MCCC2: variants seen among roughly 807,000 people sequenced by gnomAD.
MCCC2 encodes methylcrotonoyl-CoA carboxylase beta chain, mitochondrial.
In MCCC2, 52 loss-of-function variants were observed where a neutral mutation model predicts 77.2. The observed-to-expected ratio is 0.67, with a 90% CI of 0.54 to 0.85. The LOEUF is 0.85. MCCC2 is among the 40% of genes least tolerant of loss of function. The pLI is 0.00. For synonymous variants in MCCC2, 253 were observed against 248.4 expected (o/e 1.02, Z -0.18); for missense variants, 682 against 703.2 (o/e 0.97, Z 0.34).
rs77367858 is a variant in MCCC2 at position 71,645,210 on chromosome 5, G to A, written c.1150-1001G>A. Among the ~76,000 whole-genome samples, 81 of 152,230 alleles carry A rather than the reference G, an allele frequency of 5.3e-4. 1 individual carries two copies. Among genetic ancestry groups the A allele is most frequent in the East Asian group, 1.7e-3 (9 of 5,176 alleles). On this transcript the variant is annotated intron_variant, in intron 12 of 16. Coordinates refer to ENST00000340941, the MANE Select transcript of MCCC2 (RefSeq NM_022132.5). ...GAGTTATGTTTGGCCTCAGCCTGACGTTTCATTTGTTGAAATAAGCCCCAA... is the reference window on the plus strand; with the variant it reads ...GAGTTATGTTTGGCCTCAGCCTGACATTTCATTTGTTGAAATAAGCCCCAA...
chr5:71,623,241 A>G (rs1269134640), intron 6 of MCCC2, among the ~76,000 whole-genome samples: 1 of 152,196 alleles, frequency 6.6e-6, no homozygotes, highest in Non-Finnish European at 1.5e-5. Flanking sequence ...TGTGCAGTGT[A>G]AAACAAGACA....
intron 10 of MCCC2, among the ~76,000 whole-genome samples, chr5:71,640,384 T>A (rs1580324940): frequency 4.9e-4 from 2 of 4,102 alleles, no homozygotes; most frequent in African/African-American, 1.1e-3. Context: ...CTTTTTACAT[T>A]TTTTTTTTTT....
chr5:71,592,797 T>A, intron 1 of MCCC2, 129 bp from the exon 2 acceptor site: 1 of 733,850 alleles, frequency 1.4e-6, no homozygotes. Context: ...ACAGATGGGG[T>A]GGCCCAGTGT....
chr5:71,652,829 G>A, intron 16 of MCCC2, 75 bp downstream of exon 16: 1 of 1,180,140 alleles, frequency 8.5e-7, no homozygotes, highest in Non-Finnish European at 1.3e-6. Context: ...AGAGCTCTGT[G>A]TAGTTGAGAT....
At chr5:71,620,865 G>C (rs1746328277) in intron 6 of MCCC2, among the ~76,000 whole-genome samples, 1 of 152,168 alleles carries the variant, frequency 6.6e-6, no homozygotes, top group Admixed American at 6.5e-5. Context: ...CACCTTGCAA[G>C]AGTGATCTCT....
In MCCC2 at chr5:71,658,350, A is replaced by C. The variant is rs1474946586; in HGVS notation, c.*1490A>C. 1.3e-5 allele frequency: 2 copies of C among 152,098 alleles called. No individual in the cohort carries two copies. The highest frequency in any genetic ancestry group is 2.9e-5 in the Non-Finnish European group (2 of 68,030). 9.4% of individuals were successfully genotyped at this position (152,098 alleles called of 1,614,324 possible). On this transcript the variant is annotated 3_prime_UTR_variant, in exon 17 of 17. Transcript: ENST00000340941. ...TTCAGTTTAAGCACTTGCTTCTCTC[A>C]GTTTAAACTCCACTTCCTTAGGGAT...
At chr5:71,613,165 C>CA (rs1227701461) in intron 6 of MCCC2, among the ~76,000 whole-genome samples, 4 of 152,220 alleles carry the variant, frequency 2.6e-5, no homozygotes, top group Non-Finnish European at 1.5e-5. Flanking sequence ...ATTATATCTG[C>CA]AAAGATTCCT....
At chr5:71,653,395 A>T (rs1747493266) in intron 16 of MCCC2, among the ~76,000 whole-genome samples, 1 of 149,514 alleles carries the variant, frequency 6.7e-6, no homozygotes, top group Non-Finnish European at 1.5e-5. Context: ...TTTCTTCAAC[A>T]ACTTTAGTGT....
At chr5:71,633,137 A>ATATATATT (rs1746800422) in intron 8 of MCCC2, among the ~76,000 whole-genome samples, 1 of 68,090 alleles carries the variant, frequency 1.5e-5, no homozygotes, top group African/African-American at 5.0e-5. Flanking sequence ...ATATATTTTT[A>ATATATATT]TTTTTTGTAG....
chr5:71,596,498 A>G, intron 3 of MCCC2, 134 bp downstream of exon 3: 1 of 822,396 alleles, frequency 1.2e-6, no homozygotes, highest in Non-Finnish European at 2.1e-6. Flanking sequence ...TTGAGAGCCT[A>G]CTATGTGTCA....
At chr5:71,605,957 A>G (rs1057281633) in intron 6 of MCCC2, among the ~76,000 whole-genome samples, 13 of 152,314 alleles carry the variant, frequency 8.5e-5, no homozygotes, top group African/African-American at 1.9e-4. Flanking sequence ...TACCAATACC[A>G]TGCTGTTTTG....
At chr5:71,638,016 G>T (rs1437729542) in intron 10 of MCCC2, among the ~76,000 whole-genome samples, 2 of 152,056 alleles carry the variant, frequency 1.3e-5, no homozygotes, top group African/African-American at 4.8e-5. Flanking sequence ...CTGGCCCAGG[G>T]TAGAACTTTC....
rs1302909071 is a variant in MCCC2, at chr5:71,658,188, CTT to C, written c.*1330_*1331del. 1.3e-5 allele frequency: 2 copies of C among 152,222 alleles called. No homozygotes were observed. Among genetic ancestry groups the C allele is most frequent in the Admixed American group, 6.5e-5 (1 of 15,284 alleles). The allele number at this position is 152,222 out of a possible 1,614,324, so 9.4% of individuals were successfully genotyped here. On this transcript the variant is annotated 3_prime_UTR_variant, in exon 17 of 17. Transcript: ENST00000340941. ...AATCTTCACATCTTTAATCTTATCTCTTTGACTCCTCTTTACACCGGAGAACG... is the reference window on the plus strand; with the variant it reads ...AATCTTCACATCTTTAATCTTATCTCTGACTCCTCTTTACACCGGAGAACG...
intron 6 of MCCC2, among the ~76,000 whole-genome samples, chr5:71,623,435 C>G (rs1746425812): frequency 6.6e-6 from 1 of 152,144 alleles, no homozygotes. Flanking sequence ...TGGCCAGCGG[C>G]CTTCCTCAGT....
chr5:71,645,637 A>G (rs1372230333), intron 12 of MCCC2, among the ~76,000 whole-genome samples: 1 of 152,252 alleles, frequency 6.6e-6, no homozygotes, highest in Non-Finnish European at 1.5e-5. Context: ...GTGGAGAGCT[A>G]GAGAATTATC....
intron 16 of MCCC2, among the ~76,000 whole-genome samples, chr5:71,655,073 A>G (rs911637080): frequency 6.6e-6 from 1 of 152,148 alleles, no homozygotes; most frequent in Non-Finnish European, 1.5e-5. Flanking sequence ...ACCTCAGGTG[A>G]TCCACCCGCC....
chr5:71,615,060 G>C (rs1418739344), intron 6 of MCCC2, among the ~76,000 whole-genome samples: 1 of 151,586 alleles, frequency 6.6e-6, no homozygotes, highest in Non-Finnish European at 1.5e-5. Flanking sequence ...TCCACCTCCT[G>C]GGTTCAAGCA....
rs954787238 is a variant in MCCC2, at chr5:71,614,876, A to C, written c.624+10408A>C. Reference sequence around the variant, plus strand: ...ACGTTGATACCTTTTCTTTAAAGGAAACAAAAAAAGAACACTAAAATGATG... The same window carrying C: ...ACGTTGATACCTTTTCTTTAAAGGACACAAAAAAAGAACACTAAAATGATG... On this transcript the variant is annotated intron_variant, in intron 6 of 16. Coordinates refer to ENST00000340941, the MANE Select transcript of MCCC2 (RefSeq NM_022132.5). Among the ~76,000 whole-genome samples, 3 of 152,196 alleles carry C rather than the reference A, an allele frequency of 2.0e-5. No individual in the cohort carries two copies. In the South Asian group the frequency reaches 6.2e-4, roughly 32 times the overall value.
At chr5:71,653,752 G>A (rs1347197168) in intron 16 of MCCC2, among the ~76,000 whole-genome samples, 1 of 151,600 alleles carries the variant, frequency 6.6e-6, no homozygotes. Flanking sequence ...TCAGAAGGCT[G>A]AGGCAAGCAG....
Sources: gnomAD v4.1 joint callset for allele counts (sites outside exome capture counted in the v4.1 genomes callset) on GRCh38, gnomAD v4.1.1 for gene constraint, MANE v1.5 for transcripts, NCBI Gene and HGNC (gene_info 2026-07-23, HGNC 2026-07-21) for gene names.